The following OLA1 variants were observed in gnomAD, a reference collection of about 807,000 sequenced individuals.
OLA1 encodes the protein obg-like ATPase 1.
OLA1 carries 14 observed loss-of-function variants against 48.4 expected under a neutral mutation model. The observed-to-expected ratio is 0.29, with a 90% CI of 0.19 to 0.45. The LOEUF is 0.45. OLA1 is among the 20% of genes least tolerant of loss of function. The probability of loss-of-function intolerance (pLI) is 1.00; values close to 1 mark genes in which losing one functional copy is unlikely to be tolerated. For synonymous variants in OLA1, 127 were observed against 150.4 expected (o/e 0.84, Z 1.14); for missense variants, 325 against 467.1 (o/e 0.70, Z 2.80).
At chr2:174,169,081 G>A (rs1687238184) in intron 4 of OLA1, among the ~76,000 whole-genome samples, 5 of 152,072 alleles carry the variant, frequency 3.3e-5, no homozygotes, top group Admixed American at 3.3e-4. Context: ...AAGTAGCTGG[G>A]ATTACAGGCA....
At chr2:174,128,284 C>T (rs939013486) in intron 5 of OLA1, among the ~76,000 whole-genome samples, 2 of 151,492 alleles carry the variant, frequency 1.3e-5, no homozygotes, top group East Asian at 1.9e-4. Flanking sequence ...TCTGTAGTTC[C>T]AGCTACTCAA....
intron 4 of OLA1, among the ~76,000 whole-genome samples, chr2:174,146,316 A>G (rs914585102): frequency 1.3e-5 from 2 of 152,166 alleles, no homozygotes; most frequent in Non-Finnish European, 2.9e-5. Flanking sequence ...TTTAAAGAGG[A>G]CACTTTAGCT....
At chr2:174,233,887 A>C (rs1422989141) in intron 2 of OLA1, among the ~76,000 whole-genome samples, 1 of 152,246 alleles carries the variant, frequency 6.6e-6, no homozygotes, top group Non-Finnish European at 1.5e-5. Flanking sequence ...GACAAAGGAC[A>C]TTAGTGGGAA....
At chr2:174,213,036 T>C (rs560026835) in intron 4 of OLA1, among the ~76,000 whole-genome samples, 2 of 152,266 alleles carry the variant, frequency 1.3e-5, no homozygotes, top group South Asian at 2.1e-4. Context: ...ACTACAACAA[T>C]TGGTGACCAG....
intron 4 of OLA1, among the ~76,000 whole-genome samples, chr2:174,147,846 CAG>C (rs1178353149): frequency 6.6e-6 from 1 of 151,846 alleles, no homozygotes; most frequent in Non-Finnish European, 1.5e-5. Context: ...ATTTTTGAGA[CAG>C]AGTCTTGCTC....
At chr2:174,078,389 C>A (rs1684793368) in intron 10 of OLA1, among the ~76,000 whole-genome samples, 1 of 151,908 alleles carries the variant, frequency 6.6e-6, no homozygotes, top group South Asian at 2.1e-4. Context: ...TTTAACAAGT[C>A]ATCTACTACT....
At chr2:174,087,309 A>G (rs937781181) in intron 7 of OLA1, among the ~76,000 whole-genome samples, 10 of 152,074 alleles carry the variant, frequency 6.6e-5, no homozygotes, top group African/African-American at 2.4e-4. Context: ...TGCAGGCGTG[A>G]GCCACTGCAC....
At chr2:174,137,841 T>C (rs776744343) in intron 5 of OLA1, among the ~76,000 whole-genome samples, 27 of 152,186 alleles carry the variant, frequency 1.8e-4, no homozygotes, top group African/African-American at 4.8e-5. Context: ...TGTGGATAGT[T>C]TGATCTTCTA....
chr2:174,171,109 A>G (rs1307936088), intron 4 of OLA1, among the ~76,000 whole-genome samples: 2 of 152,258 alleles, frequency 1.3e-5, no homozygotes, highest in Non-Finnish European at 2.9e-5. Context: ...TATGTGCCTA[A>G]TAACAGCTTC....
At chr2:174,118,356 T>C (rs1685832650) in intron 7 of OLA1, among the ~76,000 whole-genome samples, 1 of 152,140 alleles carries the variant, frequency 6.6e-6, no homozygotes, top group Non-Finnish European at 1.5e-5. Flanking sequence ...CTAGTGCAGA[T>C]TTTTAAGGGG....
intron 4 of OLA1, among the ~76,000 whole-genome samples, chr2:174,158,374 G>A (rs1336603674): frequency 6.6e-6 from 1 of 151,994 alleles, no homozygotes; most frequent in Non-Finnish European, 1.5e-5. Flanking sequence ...TACAGAAGGG[G>A]TGGTTATTGT....
intron 9 of OLA1, among the ~76,000 whole-genome samples, chr2:174,080,165 T>C (rs1040986270): frequency 6.6e-6 from 1 of 151,888 alleles, no homozygotes; most frequent in African/African-American, 2.4e-5. Context: ...GGAGAGGAGA[T>C]AAAAGAAAAG....
intron 7 of OLA1, among the ~76,000 whole-genome samples, chr2:174,087,856 G>C (rs944066151): frequency 1.3e-5 from 2 of 152,028 alleles, no homozygotes; most frequent in Admixed American, 6.6e-5. Flanking sequence ...ATAAAGCCAA[G>C]TTATATTACC....
chr2:174,108,709 T>C (rs1356762450), intron 7 of OLA1, among the ~76,000 whole-genome samples: 1 of 152,156 alleles, frequency 6.6e-6, no homozygotes, highest in African/African-American at 2.4e-5. Flanking sequence ...CCACATGCAA[T>C]ATTTATTCTT....
chr2:174,083,607 T>G (rs1439072949), intron 7 of OLA1, among the ~76,000 whole-genome samples: 2 of 152,138 alleles, frequency 1.3e-5, no homozygotes, highest in Non-Finnish European at 2.9e-5. Context: ...GTGGGGGGAC[T>G]GAAATTGGTG....
intron 7 of OLA1, among the ~76,000 whole-genome samples, chr2:174,091,567 C>T (rs1685113104): frequency 6.6e-6 from 1 of 152,276 alleles, no homozygotes; most frequent in Non-Finnish European, 1.5e-5. Context: ...CAGATTTCTG[C>T]TTAAATGTTA....
intron 5 of OLA1, among the ~76,000 whole-genome samples, chr2:174,136,838 A>ATT (rs56267825): frequency 6.7e-5 from 10 of 148,794 alleles, no homozygotes; most frequent in Non-Finnish European, 1.5e-4. Context: ...CGCCTGGTTA[A>ATT]TTTTTTTTTT....
chr2:174,220,209 T>C (rs1688469130), intron 4 of OLA1, among the ~76,000 whole-genome samples: 1 of 152,198 alleles, frequency 6.6e-6, no homozygotes, highest in South Asian at 2.1e-4. Context: ...ATCACATCCC[T>C]AACTATATCC....
chr2:174,168,848 A>G (rs370290419), intron 4 of OLA1, among the ~76,000 whole-genome samples: 6 of 151,734 alleles, frequency 4.0e-5, no homozygotes, highest in African/African-American at 1.5e-4. Flanking sequence ...GAGGAAAAGA[A>G]TATGTCAAAG....
Sources: gnomAD v4.1 joint callset for allele counts (sites outside exome capture counted in the v4.1 genomes callset) on GRCh38, gnomAD v4.1.1 for gene constraint, MANE v1.5 for transcripts, NCBI Gene and HGNC (gene_info 2026-07-23, HGNC 2026-07-21) for gene names.